Variants in PRIM1 observed in about 807,000 individuals in gnomAD.
The protein encoded by PRIM1 is DNA primase small subunit.
Under a neutral mutation model 60.2 loss-of-function variants are expected in PRIM1, and 38 were observed. The observed-to-expected ratio is 0.63, with a 90% confidence interval of 0.49 to 0.83. The LOEUF is 0.83. Ranked by LOEUF, PRIM1 falls within the 40% of genes least tolerant of loss-of-function variation. PRIM1 has a pLI of 0.00. For missense variants in PRIM1, 388 were observed against 506.2 expected, an observed-to-expected ratio of 0.77 and a Z score of 2.24; for synonymous variants, 158 against 160.2, an observed-to-expected ratio of 0.99 and a Z score of 0.10.
At chr12:56,736,046 C>T (rs1953826009) in intron 11 of PRIM1, among the ~76,000 whole-genome samples, 2 of 150,784 alleles carry the variant, frequency 1.3e-5, no homozygotes, top group African/African-American at 2.4e-5. Flanking sequence ...GCCTATAATC[C>T]CAGCACTTTG....
chr12:56,734,177 A>T lies in PRIM1; in HGVS notation c.1213T>A (p.Ser405Thr), dbSNP rs1953805889. The T allele has an allele frequency of 2.5e-6, 4 of 1,608,110 alleles. No homozygotes were observed. The highest frequency in any genetic ancestry group is 3.4e-6 in the Non-Finnish European group (4 of 1,175,314). Residue 405 changes from serine to threonine, a missense_variant, in exon 12 of 13, where the codon TCC (serine) becomes ACC (threonine). Around this residue, in one of 3 missense-constraint regions of PRIM1, gnomAD observed 211 missense variants for 277.9 expected, o/e 0.76. Coordinates refer to ENST00000338193, the MANE Select transcript of PRIM1 (RefSeq NM_000946.3). ...FEHFLENLDKSRKGELLKKSD... is the reference protein window; with the variant it reads ...FEHFLENLDKTRKGELLKKSD... ...TTCTTAAGAAGTTCTCCTTTTCGGGATTTATCCAGATTTTCAAGAAAATGT... is the reference window on the plus strand; with the variant it reads ...TTCTTAAGAAGTTCTCCTTTTCGGGTTTTATCCAGATTTTCAAGAAAATGT...
At chr12:56,745,276 T>G (rs1174038960) in intron 5 of PRIM1, among the ~76,000 whole-genome samples, 2 of 151,968 alleles carry the variant, frequency 1.3e-5, no homozygotes, top group Admixed American at 6.6e-5. Context: ...CTGGGCGTGG[T>G]GGCGCATGCC....
intron 12 of PRIM1, among the ~76,000 whole-genome samples, chr12:56,733,730 C>T (rs1244754175): frequency 6.6e-6 from 1 of 151,894 alleles, no homozygotes; most frequent in Non-Finnish European, 1.5e-5. Context: ...GCTGGGATTA[C>T]AGGTGCCTGC....
intron 2 of PRIM1, among the ~76,000 whole-genome samples, chr12:56,750,435 A>C (rs1953937932): frequency 6.6e-6 from 1 of 152,188 alleles, no homozygotes; most frequent in South Asian, 2.1e-4. Context: ...ATGAAGGAAA[A>C]AGAATATAAA....
At chr12:56,734,881 G>A (rs967364503) in intron 11 of PRIM1, among the ~76,000 whole-genome samples, 1 of 146,318 alleles carries the variant, frequency 6.8e-6, no homozygotes, top group Non-Finnish European at 1.5e-5. Context: ...GTGCGATCTC[G>A]GCTTACTGCA....
chr12:56,740,382 ATG>A (rs1466319257), intron 9 of PRIM1, among the ~76,000 whole-genome samples: 4 of 28,576 alleles, frequency 1.4e-4, no homozygotes, highest in Non-Finnish European at 4.3e-4. Flanking sequence ...AGATACCCAC[ATG>A]TCAGACACCT....
In PRIM1 at chr12:56,731,881, T is replaced by G. The variant is rs186646602; in HGVS notation, c.1244-147A>C. 42 of 653,762 alleles carry G rather than the reference T, an allele frequency of 6.4e-5. No individual in the cohort carries two copies. The East Asian group carries it at 1.3e-3, about 20-fold the overall frequency. The allele number at this position is 653,762 out of a possible 1,614,324, so 40.5% of individuals were successfully genotyped here. On this transcript the variant is annotated intron_variant, in intron 12 of 12. Coordinates refer to ENST00000338193, the MANE Select transcript of PRIM1 (RefSeq NM_000946.3). ...TACACATTTGCTGAAGTCCACATCA[T>G]AGGCTGAGCTAGTATGGAACAGTGA...
intron 12 of PRIM1, among the ~76,000 whole-genome samples, chr12:56,733,082 T>C (rs1281245724): frequency 1.3e-5 from 2 of 151,726 alleles, no homozygotes; most frequent in Admixed American, 1.3e-4. Context: ...CTTGAACTCC[T>C]GACCTCAGGT....
rs1402555091 is a variant in PRIM1, at chr12:56,747,041, A to G, written c.262-9T>C. On this transcript the variant is annotated splice_polypyrimidine_tract_variant and intron_variant, in intron 2 of 12. Transcript: ENST00000338193. ...GTATTGTGTTGATTGGGCTACAGATACAAAATATTGATCAGTTTCTATAAG... is the reference window on the plus strand; with the variant it reads ...GTATTGTGTTGATTGGGCTACAGATGCAAAATATTGATCAGTTTCTATAAG... 6.3e-7 allele frequency: 1 copy of G among 1,595,274 alleles called. No individual in the cohort carries two copies. The highest frequency in any genetic ancestry group is 8.6e-7 in the Non-Finnish European group (1 of 1,164,906).
At chr12:56,735,334 G>A (rs1304448971) in intron 11 of PRIM1, among the ~76,000 whole-genome samples, 11 of 148,408 alleles carry the variant, frequency 7.4e-5, no homozygotes, top group East Asian at 6.1e-4. Flanking sequence ...TCTTGACCTC[G>A]TGATCCACCT....
chr12:56,751,147 T>C lies in PRIM1; in HGVS notation c.152A>G (p.Asp51Gly), dbSNP rs1164544125. 1 of 1,569,740 alleles carries C rather than the reference T, an allele frequency of 6.4e-7. No individual in the cohort carries two copies. Among genetic ancestry groups the C allele is most frequent in the South Asian group, 1.2e-5 (1 of 84,572 alleles). ...QHREFSFTLK[D>G]DIYIRYQSFN... ...GGATTGGTAGCGAATGTAAATATCATCTTTCAATGTGAATGAAAATTCACG... is the reference window on the plus strand; with the variant it reads ...GGATTGGTAGCGAATGTAAATATCACCTTTCAATGTGAATGAAAATTCACG... Residue 51 changes from aspartate (D) to glycine (G), a missense_variant, in exon 2 of 13, where the codon GAT becomes GGT. Asp to Gly is a moderately conservative substitution (Grantham distance 94, BLOSUM62 -1). This residue lies in a region of PRIM1 where 156 missense variants were observed against 175.8 expected (regional missense o/e 0.89). Coordinates refer to ENST00000338193, the MANE Select transcript of PRIM1 (RefSeq NM_000946.3).
Position 56,731,691 on chromosome 12 carries a change from A to C in PRIM1, c.*24T>G. On this transcript the variant is annotated 3_prime_UTR_variant, in exon 13 of 13. Transcript: ENST00000338193. ...CTGTGGTTGAAGGCAGAAGATATCC[A>C]CAATGGTTTGAGGAGCTCTGTCTTC... is the stretch of plus-strand genomic sequence containing the variant. The C allele has an allele frequency of 6.6e-7, 1 of 1,506,812 alleles. No individual in the cohort carries two copies. Among genetic ancestry groups the C allele is most frequent in the South Asian group, 1.2e-5 (1 of 81,126 alleles). 93.3% of individuals were successfully genotyped at this position (1,506,812 alleles called of 1,614,324 possible).
chr12:56,752,266 C>A lies in PRIM1; in HGVS notation c.33G>T (p.Glu11Asp). Residue 11 changes from glutamate to aspartate, a missense_variant, in exon 1 of 13, where the codon GAG becomes GAT. Transcript: ENST00000338193. METFDPTELP[E>D]LLKLYYRRLF... ...GCCTCCGGTAATAAAGTTTAAGCAG[C>A]TCGGGCAGCTCGGTGGGGTCAAACG... 6.3e-7 allele frequency: 1 copy of A among 1,592,386 alleles called. No homozygotes were observed. The highest frequency in any genetic ancestry group is 8.6e-7 in the Non-Finnish European group (1 of 1,169,306).
chr12:56,731,706 G>C lies in PRIM1; in HGVS notation c.*9C>G. On this transcript the variant is annotated 3_prime_UTR_variant, in exon 13 of 13. Transcript: ENST00000338193. ...GAAGATATCCACAATGGTTTGAGGA[G>C]CTCTGTCTTCAGAAATCTTTTTGTA... 1 of 1,513,694 alleles carries C rather than the reference G, an allele frequency of 6.6e-7. No individual in the cohort carries two copies. The allele number at this position is 1,513,694 out of a possible 1,614,324, so 93.8% of individuals were successfully genotyped here. A position where few individuals can be genotyped will look rare whatever the true frequency, so the allele number is the denominator to read the frequency against.
intron 2 of PRIM1, among the ~76,000 whole-genome samples, chr12:56,748,958 AAAAG>A (rs796847530): frequency 3.3e-4 from 48 of 147,112 alleles, no homozygotes; most frequent in African/African-American, 9.9e-4. Flanking sequence ...TTGTCTCAAC[AAAAG>A]AAAGAAAGAA....
intron 5 of PRIM1, 41 bp from the exon 6 acceptor site, chr12:56,744,164 TATAA>T: frequency 7.2e-7 from 1 of 1,389,494 alleles, no homozygotes; most frequent in Non-Finnish European, 1.0e-6. Context: ...AGGTATACAA[TATAA>T]ATACAGTCAT....
At chr12:56,744,229 G>T in intron 5 of PRIM1, 106 bp from the exon 6 acceptor site, 1 of 814,630 alleles carries the variant, frequency 1.2e-6, no homozygotes, top group Non-Finnish European at 1.9e-6. Flanking sequence ...AAGATGGTGG[G>T]CACGGTGGCT....
chr12:56,746,117 G>C lies in PRIM1; in HGVS notation c.507C>G (p.Val169=), dbSNP rs1270324193. 1.2e-6 allele frequency: 2 copies of C among 1,613,302 alleles called. No homozygotes were observed. The highest frequency in any genetic ancestry group is 8.5e-7 in the Non-Finnish European group (1 of 1,179,542). The change falls in exon 5 of 13, where the codon GTC becomes GTG. Residue 169 remains valine (V), a synonymous_variant. Transcript: ENST00000338193. The part of the protein sequence containing the change: ...YSGRRGVHCW[V]CDESVRKLSS... ...ACAGTTTTCTAACTGATTCATCACA[G>C]ACCCAACAATGAACACCTCTCCTTC...
intron 11 of PRIM1, among the ~76,000 whole-genome samples, chr12:56,737,113 G>A (rs1385061019): frequency 6.6e-6 from 1 of 151,932 alleles, no homozygotes; most frequent in East Asian, 1.9e-4. Flanking sequence ...TGTTAGATCA[G>A]CAGAAGCACT....
Sources: allele counts gnomAD v4.1 joint callset (sites outside exome capture counted in the v4.1 genomes callset), GRCh38; gene constraint gnomAD v4.1.1; regional missense constraint gnomAD v4.1.1; transcripts MANE v1.5; gene names NCBI Gene and HGNC (gene_info 2026-07-23, HGNC 2026-07-21).